Variants in MYBL1 observed in about 807,000 individuals in gnomAD.
MYBL1 encodes myb-related protein A.
Under a neutral mutation model 96.3 loss-of-function variants are expected in MYBL1, and 17 were observed. That is an observed-to-expected ratio of 0.18 (90% confidence interval 0.12 to 0.26). The LOEUF is 0.26. Ranked by LOEUF, MYBL1 falls within the 10% of genes least tolerant of loss-of-function variation. The pLI, the probability that MYBL1 is intolerant of heterozygous loss-of-function variation, is 1.00. For missense variants in MYBL1, 701 were observed against 882.9 expected (o/e 0.79, Z 2.61); for synonymous variants, 282 against 292.7 (o/e 0.96, Z 0.37).
chr8:66,575,989 C>T lies in MYBL1; in HGVS notation c.1470+18G>A. On this transcript the variant is annotated intron_variant, in intron 10 of 15. Transcript: ENST00000522677. ...ACTCATTGACATTTAGAAACATAAA[C>T]AAAATGAACACCACTACCTGTGAAG... 6.3e-7 allele frequency: 1 copy of T among 1,591,756 alleles called. No homozygotes were observed. The highest frequency in any genetic ancestry group is 2.2e-5 in the East Asian group (1 of 44,592).
At position 66,613,009 on chromosome 8, in the gene MYBL1, G is replaced by T; in HGVS notation, c.-171C>A. The T allele has an allele frequency of 5.4e-6, 4 of 740,498 alleles. No individual in the cohort carries two copies. The highest frequency in any genetic ancestry group is 7.5e-6 in the Non-Finnish European group (4 of 530,802). 45.9% of individuals were successfully genotyped at this position (740,498 alleles called of 1,614,324 possible). On this transcript the variant is annotated 5_prime_UTR_variant, in exon 1 of 16. Coordinates refer to ENST00000522677, the MANE Select transcript of MYBL1 (RefSeq NM_001080416.4). ...AGGGCAGGACGGAGGGACAGCGGGGGCGGACCGCGACCCGACCCCGACCCC... is the reference window on the plus strand; with the variant it reads ...AGGGCAGGACGGAGGGACAGCGGGGTCGGACCGCGACCCGACCCCGACCCC...
At chr8:66,570,386 T>C (rs181417467) in intron 12 of MYBL1, among the ~76,000 whole-genome samples, 2 of 151,608 alleles carry the variant, frequency 1.3e-5, no homozygotes, top group East Asian at 2.0e-4. Context: ...CACCACTCAC[T>C]GTAGCCTCCA....
At chr8:66,595,500 T>A in intron 6 of MYBL1, 83 bp downstream of exon 6, 1 of 779,864 alleles carries the variant, frequency 1.3e-6, no homozygotes, top group South Asian at 3.7e-5. Flanking sequence ...CGCATTGTAT[T>A]TGTCCTATTA....
At chr8:66,609,585 C>A (rs1168568532) in intron 1 of MYBL1, among the ~76,000 whole-genome samples, 1 of 151,954 alleles carries the variant, frequency 6.6e-6, no homozygotes, top group East Asian at 1.9e-4. Context: ...CTGGACTGTG[C>A]AAACTAGCAG....
At position 66,563,598 on chromosome 8, in the gene MYBL1, T is replaced by C. The variant is rs1808397126; in HGVS notation, c.*1099A>G. The C allele has an allele frequency of 6.6e-6, 1 of 152,508 alleles. No individual in the cohort carries two copies. The highest frequency in any genetic ancestry group is 2.4e-5 in the African/African-American group (1 of 41,442). The allele number at this position is 152,508 out of a possible 1,614,324, so 9.4% of individuals were successfully genotyped here. ...TATAAACTTCTAAGTGCAGACTGTT[T>C]TTAGGGACCAAGGTACCATATTATT... On this transcript the variant is annotated 3_prime_UTR_variant, in exon 16 of 16. Coordinates refer to ENST00000522677, the MANE Select transcript of MYBL1 (RefSeq NM_001080416.4).
Position 66,602,399 on chromosome 8 carries a change from A to C in MYBL1, c.126+19T>G, listed in dbSNP as rs1200729270. 6.5e-7 allele frequency: 1 copy of C among 1,531,802 alleles called. No individual in the cohort carries two copies. The highest frequency in any genetic ancestry group is 8.9e-7 in the Non-Finnish European group (1 of 1,122,990). 94.9% of individuals were successfully genotyped at this position (1,531,802 alleles called of 1,614,324 possible). On this transcript the variant is annotated intron_variant, in intron 2 of 15. Transcript: ENST00000522677. ...AATAAATACATGTAAGAAACTATGA[A>C]ACCTTGTCAGATAATTACCTCGTCC... is the stretch of plus-strand genomic sequence containing the variant.
At chr8:66,597,862 A>C (rs1021252057) in intron 4 of MYBL1, among the ~76,000 whole-genome samples, 5 of 150,698 alleles carry the variant, frequency 3.3e-5, no homozygotes, top group Admixed American at 3.3e-4. Flanking sequence ...AAAAAAAAAA[A>C]AAAAAAAAAA....
Position 66,573,601 on chromosome 8 carries a change from C to A in MYBL1, c.1471-95G>T, listed in dbSNP as rs1277038928. 3.7e-6 allele frequency: 4 copies of A among 1,093,688 alleles called. No homozygotes were observed. The East Asian group carries it at 1.1e-4, about 30-fold the overall frequency. 67.7% of individuals were successfully genotyped at this position (1,093,688 alleles called of 1,614,324 possible). A position where few individuals can be genotyped will look rare whatever the true frequency, so the allele number is the denominator to read the frequency against. ...AAGATTTTCAAATTATTTCTTCATA[C>A]CTCTTAAAAAAAGCTTATGAATAAT... On this transcript the variant is annotated intron_variant, in intron 10 of 15. Transcript: ENST00000522677.
At position 66,580,173 on chromosome 8, in the gene MYBL1, G is replaced by T. The variant is rs1465705118; in HGVS notation, c.1061C>A (p.Thr354Asn). 6.2e-7 allele frequency: 1 copy of T among 1,613,772 alleles called. No individual in the cohort carries two copies. The highest frequency in any genetic ancestry group is 1.1e-5 in the South Asian group (1 of 91,054). ...EANAVLSSLQ[T>N]IPEFAETLEL... ...TAGAGTCTCTGCAAATTCTGGGATG[G>T]TCTGCAAAGAGGATAACACAGCGTT... The change falls in exon 9 of 16, where the codon ACC (threonine) becomes AAC (asparagine). Residue 354 changes from threonine to asparagine, a missense_variant. Coordinates refer to ENST00000522677, the MANE Select transcript of MYBL1 (RefSeq NM_001080416.4).
chr8:66,573,770 C>CA (rs1317626724), intron 10 of MYBL1, among the ~76,000 whole-genome samples: 3 of 150,826 alleles, frequency 2.0e-5, no homozygotes, highest in East Asian at 1.9e-4. Context: ...TCAAAAGTTA[C>CA]AAAAAAAATA....
chr8:66,579,265 A>T (rs528540211), intron 9 of MYBL1, among the ~76,000 whole-genome samples: 3,599 of 130,738 alleles, frequency 0.028, 147 homozygotes, highest in African/African-American at 0.12. Context: ...TTTTTTTTAA[A>T]AAAATGAAAA....
intron 1 of MYBL1, among the ~76,000 whole-genome samples, chr8:66,603,765 C>T (rs1810199532): frequency 6.6e-6 from 1 of 151,998 alleles, no homozygotes; most frequent in African/African-American, 2.4e-5. Context: ...CTCCCAAATC[C>T]CACGCTTGAG....
chr8:66,591,368 T>A (rs544334409), intron 8 of MYBL1, among the ~76,000 whole-genome samples: 44 of 152,068 alleles, frequency 2.9e-4, no homozygotes, highest in South Asian at 2.1e-3. Context: ...AATTTTTTTT[T>A]AATTTAAAAA....
chr8:66,602,303 G>A (rs996725949), intron 2 of MYBL1, 115 bp downstream of exon 2: 7 of 530,444 alleles, frequency 1.3e-5, no homozygotes, highest in South Asian at 6.1e-5. Context: ...CGCCCATCTC[G>A]GCCTCCCAAA....
At chr8:66,570,126 A>T (rs1808670090) in intron 12 of MYBL1, among the ~76,000 whole-genome samples, 1 of 152,186 alleles carries the variant, frequency 6.6e-6, no homozygotes, top group South Asian at 2.1e-4. Flanking sequence ...ATTTTAATTT[A>T]TAAATCATTG....
chr8:66,602,481 A>G lies in MYBL1; in HGVS notation c.63T>C (p.Tyr21=). 6.2e-7 allele frequency: 1 copy of G among 1,609,378 alleles called. No individual in the cohort carries two copies. Among genetic ancestry groups the G allele is most frequent in the Non-Finnish European group, 8.5e-7 (1 of 1,177,216 alleles). Residue 21 remains tyrosine, a synonymous_variant, in exon 2 of 16, where the codon TAT becomes TAC. Coordinates refer to ENST00000522677, the MANE Select transcript of MYBL1 (RefSeq NM_001080416.4). ...DDDLQYADHD[Y]EVPQQKGLKK... is the part of the protein sequence containing the mutation. ...TCAGTCCTTTTTGTTGTGGTACTTC[A>G]TAATCATGATCGGCATACTGAAGGT...
chr8:66,597,638 A>G, intron 4 of MYBL1, 88 bp from the exon 5 acceptor site: 1 of 792,758 alleles, frequency 1.3e-6, no homozygotes, highest in African/African-American at 1.7e-5. Flanking sequence ...AAATAAATGC[A>G]TTAAATCCAA....
chr8:66,576,210 T>A lies in MYBL1; in HGVS notation c.1267A>T (p.Asn423Tyr). 6 of 1,614,020 alleles carry A rather than the reference T, an allele frequency of 3.7e-6. No individual in the cohort carries two copies. The highest frequency in any genetic ancestry group is 5.1e-6 in the Non-Finnish European group (6 of 1,179,882). ...GGAACAGCTTCACTGTTGCCACCAT[T>A]ACAAGTGTTTTTTTTCCCTTCAAGT... Reference protein sequence around the residue: ...LVLEGKKNTCNGGNSEAVPLT... With the variant: ...LVLEGKKNTCYGGNSEAVPLT... Residue 423 changes from asparagine (N) to tyrosine (Y), a missense_variant, in exon 10 of 16, where the codon AAT becomes TAT. Asn to Tyr is a moderately radical substitution (Grantham distance 143). This residue lies in a region of MYBL1 where 396 missense variants were observed against 407.4 expected (regional missense o/e 0.97). Coordinates refer to ENST00000522677, the MANE Select transcript of MYBL1 (RefSeq NM_001080416.4).
Position 66,566,667 on chromosome 8 carries a change from A to G in MYBL1, c.1950+17T>C. On this transcript the variant is annotated intron_variant, in intron 14 of 15. Coordinates refer to ENST00000522677, the MANE Select transcript of MYBL1 (RefSeq NM_001080416.4). ...AGCAACCATTTAAAATAACAACAAT[A>G]ATAATCCTTTACAAACCTGCATGTC... 1 of 1,515,468 alleles carries G rather than the reference A, an allele frequency of 6.6e-7. No homozygotes were observed. Among genetic ancestry groups the G allele is most frequent in the East Asian group, 2.3e-5 (1 of 44,036 alleles). The allele number at this position is 1,515,468 out of a possible 1,614,324, so 93.9% of individuals were successfully genotyped here.
Sources: allele counts gnomAD v4.1 joint callset (sites outside exome capture counted in the v4.1 genomes callset), GRCh38; gene constraint gnomAD v4.1.1; regional missense constraint gnomAD v4.1.1; transcripts MANE v1.5; gene names NCBI Gene and HGNC (gene_info 2026-07-23, HGNC 2026-07-21).